The following SAE1 variants were observed in gnomAD, a reference collection of about 807,000 sequenced individuals.
SAE1 encodes SUMO-activating enzyme subunit 1.
A neutral mutation model predicts 40.6 loss-of-function variants in SAE1; 11 were observed. The ratio of observed to expected loss-of-function variants is 0.27; its 90% confidence interval spans 0.17 to 0.45. The LOEUF (loss-of-function observed/expected upper bound fraction) is 0.45, where lower values mean the gene tolerates loss of function less well. SAE1 is among the 20% of genes least tolerant of loss of function. The probability of loss-of-function intolerance (pLI) is 1.00; values close to 1 mark genes in which losing one functional copy is unlikely to be tolerated. For missense variants in SAE1, 373 were observed against 427.3 expected, an observed-to-expected ratio of 0.87 and a Z score of 1.12; for synonymous variants, 155 against 154.3, an observed-to-expected ratio of 1.00 and a Z score of -0.03.
chr19:47,205,301 C>T (rs1247689430), intron 8 of SAE1, among the ~76,000 whole-genome samples: 2 of 148,154 alleles, frequency 1.3e-5, no homozygotes, highest in African/African-American at 2.5e-5. Context: ...TTGTTAGTCA[C>T]ACCGTTTTCC....
chr19:47,164,474 C>T (rs796465654), intron 5 of SAE1, among the ~76,000 whole-genome samples: 12 of 151,344 alleles, frequency 7.9e-5, no homozygotes, highest in African/African-American at 1.7e-4. Context: ...GCCTGGAGCG[C>T]GTGATTTTAA....
chr19:47,185,499 T>A (rs1600198998), intron 6 of SAE1, among the ~76,000 whole-genome samples: 1 of 151,860 alleles, frequency 6.6e-6, no homozygotes, highest in Admixed American at 6.6e-5. Context: ...GGACACGAGG[T>A]TTCACCGTGT....
At chr19:47,162,438 T>C (rs1200168567) in intron 5 of SAE1, among the ~76,000 whole-genome samples, 1 of 152,226 alleles carries the variant, frequency 6.6e-6, no homozygotes, top group Non-Finnish European at 1.5e-5. Context: ...TTTTATCAAT[T>C]TATATTCTAG....
At chr19:47,184,345 T>C (rs1277158369) in intron 6 of SAE1, among the ~76,000 whole-genome samples, 1 of 152,170 alleles carries the variant, frequency 6.6e-6, no homozygotes, top group African/African-American at 2.4e-5. Context: ...AAGCCCCAGT[T>C]TTCCTACCAC....
intron 5 of SAE1, among the ~76,000 whole-genome samples, chr19:47,167,249 C>T (rs1027558725): frequency 5.9e-5 from 9 of 151,700 alleles, no homozygotes; most frequent in South Asian, 4.2e-4. Context: ...CCACCACACC[C>T]GGCCTGCGCC....
intron 1 of SAE1, among the ~76,000 whole-genome samples, chr19:47,138,077 CTT>C (rs747006336): frequency 5.5e-5 from 8 of 145,904 alleles, no homozygotes; most frequent in Non-Finnish European, 1.2e-4. Context: ...GAATTTCTCT[CTT>C]GTTGCCCAGG....
chr19:47,162,365 G>C (rs1568594677), intron 5 of SAE1, among the ~76,000 whole-genome samples: 1 of 152,110 alleles, frequency 6.6e-6, no homozygotes, highest in Non-Finnish European at 1.5e-5. Flanking sequence ...ATATACCTGG[G>C]AGTAAAATTA....
intron 1 of SAE1, among the ~76,000 whole-genome samples, chr19:47,141,657 AG>A (rs1476807392): frequency 2.0e-5 from 3 of 152,126 alleles, no homozygotes; most frequent in African/African-American, 7.2e-5. Flanking sequence ...GGAAAGGCGT[AG>A]GTAGGCATTG....
chr19:47,176,024 C>G (rs553374397), intron 6 of SAE1, among the ~76,000 whole-genome samples: 9 of 152,022 alleles, frequency 5.9e-5, no homozygotes, highest in Non-Finnish European at 8.8e-5. Flanking sequence ...TTTTTGTCTT[C>G]TAAATTTCTA....
chr19:47,193,016 TC>T (rs1483875176), intron 6 of SAE1, among the ~76,000 whole-genome samples: 11 of 151,376 alleles, frequency 7.3e-5, no homozygotes, highest in Non-Finnish European at 2.9e-5. Flanking sequence ...TGGTAGCAGA[TC>T]AGTGCTCTCT....
At chr19:47,155,275 C>A in intron 5 of SAE1, 62 bp downstream of exon 5, 4 of 1,151,022 alleles carry the variant, frequency 3.5e-6, no homozygotes, top group Admixed American at 1.8e-5. Flanking sequence ...CAGGCAATGA[C>A]GATTGAAAAG....
intron 6 of SAE1, among the ~76,000 whole-genome samples, chr19:47,191,707 A>AT (rs894810671): frequency 2.9e-4 from 43 of 150,528 alleles, no homozygotes; most frequent in Admixed American, 7.3e-4. Context: ...AGAGGAGGTG[A>AT]TTTTTTTTTT....
chr19:47,160,789 A>C (rs993998311), intron 5 of SAE1, among the ~76,000 whole-genome samples: 1 of 152,096 alleles, frequency 6.6e-6, no homozygotes, highest in African/African-American at 2.4e-5. Flanking sequence ...TCAGCCTCCC[A>C]AAGTGCTGGG....
rs151008044 is a variant in SAE1, at chr19:47,132,738, A to G, written c.98+1710A>G. On this transcript the variant is annotated intron_variant, in intron 1 of 8. Coordinates refer to ENST00000270225, the MANE Select transcript of SAE1 (RefSeq NM_005500.3). ...CCAGTCTCTACAAAAAAATACAAAAATTAGCCAGGCATGGTGACATAAGTT... is the reference window on the plus strand; with the variant it reads ...CCAGTCTCTACAAAAAAATACAAAAGTTAGCCAGGCATGGTGACATAAGTT... Among the ~76,000 whole-genome samples, 564 of 152,156 alleles carry G rather than the reference A, an allele frequency of 3.7e-3. 5 individuals are homozygous for G. Among genetic ancestry groups the G allele is most frequent in the African/African-American group, 0.013 (537 of 41,512 alleles).
At chr19:47,181,375 G>A (rs2058504919) in intron 6 of SAE1, among the ~76,000 whole-genome samples, 3 of 151,546 alleles carry the variant, frequency 2.0e-5, no homozygotes, top group African/African-American at 7.3e-5. Context: ...AGGTTAGATA[G>A]CAGTACTGTT....
rs111594540 is a variant in SAE1 at position 47,190,440 on chromosome 19, G to T, written c.734-6793G>T. ...GTCAGGGGCTAGGGTCAGTTCTGAG[G>T]CTGCTGCCTGTCAAGAACATGGCTT... On this transcript the variant is annotated intron_variant, in intron 6 of 8. Coordinates refer to ENST00000270225, the MANE Select transcript of SAE1 (RefSeq NM_005500.3). 7.1e-3 allele frequency among the ~76,000 whole-genome samples: 1,075 copies of T among 152,278 alleles called. 10 individuals carry two copies. Among genetic ancestry groups the T allele is most frequent in the African/African-American group, 0.025 (1,039 of 41,544 alleles).
chr19:47,147,401 T>C (rs2058261195), intron 2 of SAE1, among the ~76,000 whole-genome samples: 1 of 151,436 alleles, frequency 6.6e-6, no homozygotes, highest in Non-Finnish European at 1.5e-5. Flanking sequence ...GAGACTGGGT[T>C]TCATGATTGT....
intron 6 of SAE1, 94 bp downstream of exon 6, chr19:47,170,017 C>A: frequency 1.1e-6 from 1 of 902,032 alleles, no homozygotes; most frequent in South Asian, 1.4e-5. Context: ...GTGATGTTTG[C>A]CTTGGGTGGC....
At chr19:47,137,557 C>T (rs946548334) in intron 1 of SAE1, among the ~76,000 whole-genome samples, 3 of 150,688 alleles carry the variant, frequency 2.0e-5, no homozygotes, top group Non-Finnish European at 4.4e-5. Context: ...GACGCAGTGA[C>T]GTGATCTTCA....
Sources: gnomAD v4.1 joint callset for allele counts (sites outside exome capture counted in the v4.1 genomes callset) on GRCh38, gnomAD v4.1.1 for gene constraint, MANE v1.5 for transcripts, NCBI Gene and HGNC (gene_info 2026-07-23, HGNC 2026-07-21) for gene names.